Variants in ADCY9 observed in about 807,000 individuals in gnomAD.
The protein encoded by ADCY9 is adenylate cyclase 9.
A neutral mutation model predicts 101.5 loss-of-function variants in ADCY9; 50 were observed. The ratio of observed to expected loss-of-function variants is 0.49; its 90% CI spans 0.39 to 0.62. ADCY9 has a LOEUF of 0.62. Ranked by LOEUF, ADCY9 falls within the 20% of genes least tolerant of loss-of-function variation. The probability of loss-of-function intolerance (pLI) is 0.00; values close to 1 mark genes in which losing one functional copy is unlikely to be tolerated. For synonymous variants in ADCY9, 905 were observed against 769.3 expected (o/e 1.18, Z -2.92); for missense variants, 1,662 against 1,800.4 (o/e 0.92, Z 1.39).
chr16:3,969,931 T>C (rs1311830378), intron 10 of ADCY9, among the ~76,000 whole-genome samples: 12 of 151,912 alleles, frequency 7.9e-5, no homozygotes, highest in Non-Finnish European at 5.9e-5. Context: ...TCATAGAAAA[T>C]GTAGAAAAAA....
intron 3 of ADCY9, among the ~76,000 whole-genome samples, chr16:4,005,728 C>G (rs147241819): frequency 2.6e-5 from 4 of 152,306 alleles, no homozygotes; most frequent in East Asian, 1.9e-4. Context: ...ATATGGTGAA[C>G]TCTGCGACCG....
chr16:3,997,145 G>T (rs184837633), intron 3 of ADCY9, among the ~76,000 whole-genome samples: 101 of 152,310 alleles, frequency 6.6e-4, no homozygotes, highest in African/African-American at 2.2e-3. Context: ...GATTACAGGC[G>T]TGAGCCACCG....
chr16:3,978,969 C>G (rs1026624843), intron 8 of ADCY9, 147 bp downstream of exon 8: 9 of 991,888 alleles, frequency 9.1e-6, no homozygotes, highest in Non-Finnish European at 1.2e-5. Context: ...CCCACCTCCA[C>G]CTCCCACAGT....
rs2057133914 is a variant in ADCY9, at chr16:4,114,396, C to T, written c.1047G>A (p.Gln349=). 5 of 1,614,008 alleles carry T rather than the reference C, an allele frequency of 3.1e-6. No homozygotes were observed. The highest frequency in any genetic ancestry group is 3.4e-6 in the Non-Finnish European group (4 of 1,180,048). The change falls in exon 2 of 11, where the codon CAG becomes CAA. Residue 349 remains glutamine (Q), a synonymous_variant. Transcript: ENST00000294016. This position sits in a 1 kb window ranked among gnomAD's most constrained non-coding sequence, Gnocchi z 4.3. ...PRIIADDLMK[Q]GDEESENSVK... ...CAGAATTCTCACTCTCCTCATCTCC[C>T]TGCTTCATTAAGTCATCGGCTATGA...
In ADCY9 at chr16:4,031,033, G is replaced by A. The variant is rs147823095; in HGVS notation, c.1694-23475C>T. Among the ~76,000 whole-genome samples, 228 of 152,064 alleles carry A rather than the reference G, an allele frequency of 1.5e-3. 1 individual carries two copies. Among genetic ancestry groups the A allele is most frequent in the African/African-American group, 5.0e-3 (206 of 41,368 alleles). On this transcript the variant is annotated intron_variant, in intron 2 of 10. Transcript: ENST00000294016. ...TAGCAGTAAAGAAAAAAAAATGTGCGGAACTGTTCTAGATCTAGATCTTGA... is the reference window on the plus strand; with the variant it reads ...TAGCAGTAAAGAAAAAAAAATGTGCAGAACTGTTCTAGATCTAGATCTTGA...
At chr16:4,087,169 G>A (rs377764794) in intron 2 of ADCY9, among the ~76,000 whole-genome samples, 1 of 152,114 alleles carries the variant, frequency 6.6e-6, no homozygotes. Context: ...TCATGAAGCA[G>A]GGAGTTTCCT....
chr16:4,009,672 C>A (rs182400538), intron 2 of ADCY9, among the ~76,000 whole-genome samples: 114 of 152,338 alleles, frequency 7.5e-4, no homozygotes, highest in African/African-American at 2.6e-3. Flanking sequence ...CATGTATACA[C>A]TGAAATGGAA....
In ADCY9 at chr16:4,115,323, G is replaced by A; in HGVS notation, c.120C>T (p.Asn40=). Residue 40 remains asparagine, a synonymous_variant, in exon 2 of 11, where the codon AAC becomes AAT. Coordinates refer to ENST00000294016, the MANE Select transcript of ADCY9 (RefSeq NM_001116.4). This position sits in a 1 kb window ranked among gnomAD's most constrained non-coding sequence, Gnocchi z 6.2. The stretch of plus-strand genomic sequence containing the variant: ...TGTATTTGCAGTGCTTGGGGTGGCT[G>A]TTGGAGGACAGCTGCTTGGGGTTGA... ...VKINPKQLSS[N]SHPKHCKYSI... The A allele has an allele frequency of 2.5e-6, 4 of 1,613,764 alleles. No homozygotes were observed. The highest frequency in any genetic ancestry group is 3.4e-6 in the Non-Finnish European group (4 of 1,179,884).
At chr16:3,978,847 G>T (rs2056115286) in intron 8 of ADCY9, among the ~76,000 whole-genome samples, 1 of 152,128 alleles carries the variant, frequency 6.6e-6, no homozygotes, top group South Asian at 2.1e-4. Flanking sequence ...AGCCTCCCAA[G>T]TAGCTGGGAT....
intron 2 of ADCY9, among the ~76,000 whole-genome samples, chr16:4,028,577 G>A (rs2056533160): frequency 6.6e-6 from 1 of 152,196 alleles, no homozygotes; most frequent in African/African-American, 2.4e-5. Flanking sequence ...AAGTAGATTT[G>A]TGGTTTGGGA....
In ADCY9 at chr16:3,966,392, C is replaced by T; in HGVS notation, c.3445G>A (p.Val1149Met). Reference protein sequence around the residue: ...FEFAKEMMRVVDDFNNNMLWF... With the variant: ...FEFAKEMMRVMDDFNNNMLWF... Reference sequence around the variant, plus strand: ...AGCATGTTGTTGTTGAAGTCGTCCACCACGCGCATCATCTCCTTGGCGAAC... The same window carrying T: ...AGCATGTTGTTGTTGAAGTCGTCCATCACGCGCATCATCTCCTTGGCGAAC... The change falls in exon 11 of 11, where the codon GTG (valine) becomes ATG (methionine). Residue 1149 changes from valine to methionine, a missense_variant. Val to Met is a conservative substitution (Grantham distance 21). This residue lies in a region of ADCY9 where 220 missense variants were observed against 312.9 expected (regional missense o/e 0.70). Coordinates refer to ENST00000294016, the MANE Select transcript of ADCY9 (RefSeq NM_001116.4). The T allele has an allele frequency of 1.2e-6, 2 of 1,614,118 alleles. No individual in the cohort carries two copies. Among genetic ancestry groups the T allele is most frequent in the Non-Finnish European group, 8.5e-7 (1 of 1,180,042 alleles).
At chr16:4,088,743 A>G (rs572502849) in intron 2 of ADCY9, among the ~76,000 whole-genome samples, 1 of 152,082 alleles carries the variant, frequency 6.6e-6, no homozygotes, top group African/African-American at 2.4e-5. Flanking sequence ...TTGCCAATCT[A>G]CAACTGTCTT....
chr16:3,985,388 G>C (rs1597145444), intron 6 of ADCY9, among the ~76,000 whole-genome samples: 2 of 152,120 alleles, frequency 1.3e-5, no homozygotes, highest in East Asian at 3.9e-4. Flanking sequence ...TGCCTGCCTC[G>C]GCCTCCCAAA....
rs116295586 is a variant in ADCY9 at position 3,993,750 on chromosome 16, G to C, written c.1885-240C>G. ...ATGGAACCGGGAATGTTCACTGACT[G>C]AACAATGGATCAACAAACTGTGGTC... On this transcript the variant is annotated intron_variant, in intron 3 of 10. Coordinates refer to ENST00000294016, the MANE Select transcript of ADCY9 (RefSeq NM_001116.4). 5.3e-3 allele frequency among the ~76,000 whole-genome samples: 804 copies of C among 152,282 alleles called. 5 individuals carry two copies. The highest frequency in any genetic ancestry group is 0.017 in the African/African-American group (723 of 41,546).
chr16:4,047,909 T>A (rs1192908232), intron 2 of ADCY9, among the ~76,000 whole-genome samples: 2 of 152,188 alleles, frequency 1.3e-5, no homozygotes, highest in Admixed American at 6.5e-5. Context: ...GAACCCTCCC[T>A]TACCCAGGTA....
At chr16:3,995,021 T>C (rs552760548) in intron 3 of ADCY9, among the ~76,000 whole-genome samples, 3 of 152,354 alleles carry the variant, frequency 2.0e-5, no homozygotes, top group Admixed American at 2.0e-4. Flanking sequence ...AAAGCCTTTA[T>C]TTCTCATAAA....
At chr16:4,089,374 C>A (rs1172740560) in intron 2 of ADCY9, among the ~76,000 whole-genome samples, 1 of 152,092 alleles carries the variant, frequency 6.6e-6, no homozygotes, top group African/African-American at 2.4e-5. Flanking sequence ...CACGTTGTCA[C>A]ATGTATCAGA....
chr16:4,002,372 G>A lies in ADCY9; in HGVS notation c.1884+4996C>T, dbSNP rs960418955. 2.0e-5 allele frequency among the ~76,000 whole-genome samples: 3 copies of A among 152,166 alleles called. No homozygotes were observed. The East Asian group carries it at 5.8e-4, about 29-fold the overall frequency. ...CATAGAAAACAAGTAGATAAAAGAA[G>A]TTATCATTTAGGGTCATTTTCAAAA... On this transcript the variant is annotated intron_variant, in intron 3 of 10. Coordinates refer to ENST00000294016, the MANE Select transcript of ADCY9 (RefSeq NM_001116.4).
chr16:3,994,440 C>T (rs930325224), intron 3 of ADCY9, among the ~76,000 whole-genome samples: 25 of 152,184 alleles, frequency 1.6e-4, no homozygotes, highest in Non-Finnish European at 2.6e-4. Context: ...CTGAACTGTA[C>T]ACTTTAAAAA....
Sources: allele counts gnomAD v4.1 joint callset (sites outside exome capture counted in the v4.1 genomes callset), GRCh38; gene constraint gnomAD v4.1.1; regional missense constraint gnomAD v4.1.1; non-coding constraint Gnocchi (gnomAD v3.1); transcripts MANE v1.5; gene names NCBI Gene and HGNC (gene_info 2026-07-23, HGNC 2026-07-21).